The following ATL2 variants were observed in gnomAD, a reference collection of about 807,000 sequenced individuals.
ATL2 encodes the protein atlastin-2.
Under a neutral mutation model 73.9 loss-of-function variants are expected in ATL2, and 31 were observed. The observed-to-expected ratio is 0.42, with a 90% CI of 0.32 to 0.57. The LOEUF is 0.57. ATL2 is among the 20% of genes least tolerant of loss of function. The probability of loss-of-function intolerance (pLI) is 0.14; values close to 1 mark genes in which losing one functional copy is unlikely to be tolerated. For synonymous variants in ATL2, 291 were observed against 237.5 expected (o/e 1.23, Z -2.07); for missense variants, 738 against 702.6 (o/e 1.05, Z -0.57).
chr2:38,347,899 T>C (rs911530333), intron 1 of ATL2, among the ~76,000 whole-genome samples: 1 of 151,560 alleles, frequency 6.6e-6, no homozygotes, highest in Non-Finnish European at 1.5e-5. Context: ...CCAGAGTAGC[T>C]GGAACAACAG....
At chr2:38,377,966 G>A (rs886491092), upstream of ATL2, among the ~76,000 whole-genome samples, 2 of 152,002 alleles carry the variant, frequency 1.3e-5, no homozygotes, top group Non-Finnish European at 2.9e-5. Context: ...CTAGCACCTT[G>A]CAGAGGCATG....
intron 1 of ATL2, among the ~76,000 whole-genome samples, chr2:38,346,326 T>A (rs969457082): frequency 6.6e-6 from 1 of 152,096 alleles, no homozygotes; most frequent in Non-Finnish European, 1.5e-5. Context: ...CTCCACAGAG[T>A]AGCAACTAAA....
At chr2:38,326,762 T>C (rs1573490483) in intron 2 of ATL2, among the ~76,000 whole-genome samples, 1 of 151,736 alleles carries the variant, frequency 6.6e-6, no homozygotes. Flanking sequence ...CCGAGGCAGG[T>C]GGATCACTTG....
At chr2:38,376,454 T>C (rs985002216) in intron 1 of ATL2, 3 of 285,348 alleles carry the variant, frequency 1.1e-5, no homozygotes, top group Non-Finnish European at 1.9e-5. Flanking sequence ...AAACGGCTCA[T>C]AACCCCAGTT....
At chr2:38,345,105 T>A (rs1669945473) in intron 1 of ATL2, among the ~76,000 whole-genome samples, 2 of 152,170 alleles carry the variant, frequency 1.3e-5, no homozygotes, top group African/African-American at 4.8e-5. Context: ...TGATCCCACG[T>A]AGCAACTAGT....
intron 10 of ATL2, 103 bp downstream of exon 10, chr2:38,300,169 A>G: frequency 9.5e-7 from 1 of 1,055,792 alleles, no homozygotes; most frequent in South Asian, 1.5e-5. Context: ...TTTGCATGCA[A>G]AAAAGCACCC....
upstream of ATL2, chr2:38,377,344 C>G (rs1216086164): frequency 3.9e-6 from 5 of 1,267,170 alleles, no homozygotes; most frequent in Non-Finnish European, 5.4e-6. Flanking sequence ...GCGGGGTGGC[C>G]GGCGGGTCCT....
intron 1 of ATL2, among the ~76,000 whole-genome samples, chr2:38,349,675 TAAAA>T (rs1670230639): frequency 6.8e-6 from 1 of 147,804 alleles, no homozygotes; most frequent in Non-Finnish European, 1.5e-5. Context: ...AGTATAATAA[TAAAA>T]AATAAATAAA....
intron 1 of ATL2, among the ~76,000 whole-genome samples, chr2:38,364,995 G>A (rs1182939123): frequency 6.6e-6 from 1 of 151,086 alleles, no homozygotes; most frequent in Non-Finnish European, 1.5e-5. Context: ...AGTGAGCTGA[G>A]ATCACGCCAC....
At chr2:38,317,690 T>C (rs1428536155) in intron 4 of ATL2, among the ~76,000 whole-genome samples, 1 of 152,176 alleles carries the variant, frequency 6.6e-6, no homozygotes, top group African/African-American at 2.4e-5. Flanking sequence ...CTTAATTACC[T>C]GGGTTTTTTG....
At chr2:38,328,414 C>T (rs1668790079) in intron 2 of ATL2, among the ~76,000 whole-genome samples, 1 of 152,150 alleles carries the variant, frequency 6.6e-6, no homozygotes, top group African/African-American at 2.4e-5. Flanking sequence ...CAAGGTAGAC[C>T]ATATCCTGAG....
Position 38,298,354 on chromosome 2 carries a change from G to C in ATL2, c.1422C>G (p.Thr474=), listed in dbSNP as rs1309954229. ...DGKNIFYAAR[T]PATLFAVMFA... ...ACATGACCGCAAACAGTGTGGCTGG[G>C]GTACGAGCAGCATAGAAGATATTTT... The change falls in exon 12 of 13, where the codon ACC becomes ACG. Residue 474 remains threonine (T), a synonymous_variant. Coordinates refer to ENST00000378954, the MANE Select transcript of ATL2 (RefSeq NM_001135673.4). 6.2e-7 allele frequency: 1 copy of C among 1,614,114 alleles called. No individual in the cohort carries two copies. Among genetic ancestry groups the C allele is most frequent in the Admixed American group, 1.7e-5 (1 of 60,028 alleles).
chr2:38,363,582 GC>G (rs1671135206), intron 1 of ATL2, among the ~76,000 whole-genome samples: 1 of 152,144 alleles, frequency 6.6e-6, no homozygotes, highest in African/African-American at 2.4e-5. Flanking sequence ...AAGTATATTT[GC>G]CCATCTTTGG....
chr2:38,314,153 A>G (rs1002631209), intron 6 of ATL2, among the ~76,000 whole-genome samples: 7 of 152,202 alleles, frequency 4.6e-5, no homozygotes, highest in African/African-American at 1.7e-4. Flanking sequence ...TATTAATGGC[A>G]ACTTACAAAT....
intron 7 of ATL2, among the ~76,000 whole-genome samples, chr2:38,311,052 T>C (rs943292140): frequency 6.6e-6 from 1 of 152,124 alleles, no homozygotes; most frequent in Non-Finnish European, 1.5e-5. Context: ...TGGCTGTGAC[T>C]TATACACCAG....
chr2:38,366,603 C>A (rs1260515789), intron 1 of ATL2, among the ~76,000 whole-genome samples: 1 of 152,204 alleles, frequency 6.6e-6, no homozygotes, highest in East Asian at 1.9e-4. Context: ...CAAAGCCTCC[C>A]TCTTCCATGA....
At chr2:38,324,617 T>TG (rs1668497431) in intron 2 of ATL2, among the ~76,000 whole-genome samples, 1 of 152,176 alleles carries the variant, frequency 6.6e-6, no homozygotes, top group Non-Finnish European at 1.5e-5. Flanking sequence ...CATCTGGGGC[T>TG]GGACAAATCA....
intron 1 of ATL2, among the ~76,000 whole-genome samples, chr2:38,368,264 T>TA (rs35593751): frequency 6.7e-6 from 1 of 150,200 alleles, no homozygotes; most frequent in Non-Finnish European, 1.5e-5. Flanking sequence ...TTTTTTTTTT[T>TA]AATTTGAGAC....
At chr2:38,312,420 G>T (rs1450699066) in intron 7 of ATL2, among the ~76,000 whole-genome samples, 1 of 152,150 alleles carries the variant, frequency 6.6e-6, no homozygotes, top group Non-Finnish European at 1.5e-5. Context: ...TGTGAAGAAG[G>T]TGCTTGCTGG....
Sources: gnomAD v4.1 joint callset for allele counts (sites outside exome capture counted in the v4.1 genomes callset) on GRCh38, gnomAD v4.1.1 for gene constraint, MANE v1.5 for transcripts, NCBI Gene and HGNC (gene_info 2026-07-23, HGNC 2026-07-21) for gene names.